TMPRSS11F: variants seen among roughly 807,000 people sequenced by gnomAD.
TMPRSS11F encodes the protein transmembrane serine protease 11F.
Under a neutral mutation model 60.2 loss-of-function variants are expected in TMPRSS11F, and 47 were observed. The ratio of observed to expected loss-of-function variants is 0.78; its 90% confidence interval spans 0.62 to 1.00. The LOEUF is 1.00. TMPRSS11F is among the 50% of genes least tolerant of loss of function. The probability of loss-of-function intolerance (pLI) is 0.00; values close to 1 mark genes in which losing one functional copy is unlikely to be tolerated. For missense variants in TMPRSS11F, 519 were observed against 522.9 expected (o/e 0.99, Z 0.07); for synonymous variants, 166 against 167.3 (o/e 0.99, Z 0.06).
At chr4:68,058,518 CCAGT>C (rs1370928971) in intron 9 of TMPRSS11F, among the ~76,000 whole-genome samples, 1 of 152,184 alleles carries the variant, frequency 6.6e-6, no homozygotes, top group Non-Finnish European at 1.5e-5. Context: ...CATATTTTCA[CCAGT>C]CTATTTCAGG....
chr4:68,084,632 A>C (rs1172790604), intron 3 of TMPRSS11F, among the ~76,000 whole-genome samples: 1 of 152,226 alleles, frequency 6.6e-6, no homozygotes, highest in African/African-American at 2.4e-5. Context: ...CGTTACCACT[A>C]TCGGCCTTAC....
chr4:68,067,332 C>T (rs1445779616), intron 7 of TMPRSS11F, among the ~76,000 whole-genome samples: 1 of 152,190 alleles, frequency 6.6e-6, no homozygotes, highest in Non-Finnish European at 1.5e-5. Flanking sequence ...TTATCAAAGT[C>T]ACTAGTAATC....
chr4:68,104,604 G>C (rs777349298), intron 1 of TMPRSS11F, among the ~76,000 whole-genome samples: 1 of 152,170 alleles, frequency 6.6e-6, no homozygotes, highest in Non-Finnish European at 1.5e-5. Context: ...CTGCAGAACT[G>C]TGAGTCAATT....
intron 1 of TMPRSS11F, among the ~76,000 whole-genome samples, chr4:68,121,963 C>A (rs1242757211): frequency 6.6e-6 from 1 of 152,092 alleles, no homozygotes; most frequent in Non-Finnish European, 1.5e-5. Context: ...CTTATCATTG[C>A]CCAATCAACT....
intron 9 of TMPRSS11F, among the ~76,000 whole-genome samples, chr4:68,058,674 G>A (rs1185105900): frequency 6.6e-6 from 1 of 152,182 alleles, no homozygotes; most frequent in Non-Finnish European, 1.5e-5. Flanking sequence ...ATAGAACAAA[G>A]AAAGGACACA....
chr4:68,064,308 C>T (rs1723274305), intron 8 of TMPRSS11F, among the ~76,000 whole-genome samples: 1 of 151,950 alleles, frequency 6.6e-6, no homozygotes, highest in Non-Finnish European at 1.5e-5. Flanking sequence ...CCTCAACCTC[C>T]CAAGTAACTG....
At chr4:68,068,870 T>C (rs751495225) in intron 6 of TMPRSS11F, 51 bp from the exon 7 acceptor site, 10 of 1,580,288 alleles carry the variant, frequency 6.3e-6, no homozygotes, top group Non-Finnish European at 7.8e-6. Flanking sequence ...AGGAAAAAAG[T>C]ATATTCTGAT....
intron 1 of TMPRSS11F, among the ~76,000 whole-genome samples, chr4:68,107,742 T>A (rs1348720707): frequency 6.6e-6 from 1 of 152,044 alleles, no homozygotes; most frequent in African/African-American, 2.4e-5. Flanking sequence ...ATCAAGACCA[T>A]CCTGGCCAAC....
chr4:68,109,479 T>C (rs1000212526), intron 1 of TMPRSS11F, among the ~76,000 whole-genome samples: 5 of 152,190 alleles, frequency 3.3e-5, no homozygotes, highest in African/African-American at 9.6e-5. Flanking sequence ...ACGATGAAAG[T>C]ACAGATCCCT....
intron 1 of TMPRSS11F, among the ~76,000 whole-genome samples, chr4:68,122,140 A>G (rs1724636426): frequency 6.6e-6 from 1 of 152,208 alleles, no homozygotes; most frequent in Admixed American, 6.5e-5. Context: ...ACCATATAGT[A>G]TAGGATAACA....
chr4:68,070,495 T>G (rs1031343747), intron 5 of TMPRSS11F, among the ~76,000 whole-genome samples: 1 of 152,180 alleles, frequency 6.6e-6, no homozygotes, highest in Non-Finnish European at 1.5e-5. Flanking sequence ...TCTAACAGAC[T>G]AGGAATTTAG....
At chr4:68,092,414 T>C (rs922114741) in intron 2 of TMPRSS11F, among the ~76,000 whole-genome samples, 2 of 152,198 alleles carry the variant, frequency 1.3e-5, no homozygotes, top group Admixed American at 6.5e-5. Context: ...ACAAAATTGA[T>C]TCTAAGCATT....
chr4:68,105,870 A>G (rs928996850), intron 1 of TMPRSS11F, among the ~76,000 whole-genome samples: 1 of 152,174 alleles, frequency 6.6e-6, no homozygotes, highest in Non-Finnish European at 1.5e-5. Flanking sequence ...TACTACCCAA[A>G]TTCTCCATTT....
At chr4:68,123,646 AC>A (rs1054338369) in intron 1 of TMPRSS11F, among the ~76,000 whole-genome samples, 1 of 152,206 alleles carries the variant, frequency 6.6e-6, no homozygotes, top group Non-Finnish European at 1.5e-5. Context: ...ACTAACCACC[AC>A]AAAGCAAGAC....
At chr4:68,080,629 C>A (rs1214927287) in intron 3 of TMPRSS11F, 1 of 152,244 alleles carries the variant, frequency 6.6e-6, no homozygotes, top group East Asian at 1.9e-4. Flanking sequence ...AATCTAAGCT[C>A]CAGATCTCCC....
chr4:68,071,873 G>A, intron 5 of TMPRSS11F, among the ~76,000 whole-genome samples: 1 of 151,996 alleles, frequency 6.6e-6, no homozygotes, highest in South Asian at 2.1e-4. Flanking sequence ...TCATGAAGAT[G>A]TCTTTCTTTG....
rs201727249 is a variant in TMPRSS11F, at chr4:68,105,096, G to GTATCAA, written c.12-6064_12-6059dup. Among the ~76,000 whole-genome samples, 55 of 109,734 alleles carry GTATCAA rather than the reference G, an allele frequency of 5.0e-4. 1 individual carries two copies. In the East Asian group the frequency reaches 0.014, roughly 27 times the overall value. The allele number at this position is 109,734 out of a possible 152,430, so 72.0% of individuals were successfully genotyped here. On this transcript the variant is annotated intron_variant, in intron 1 of 9. Transcript: ENST00000356291. ...TTTTGCAAGAGTTTGGGAAGTATTG[G>GTATCAA]TATCAATTCTTCTTTAAATATTTGG...
At chr4:68,091,810 G>A (rs1253198191) in intron 2 of TMPRSS11F, among the ~76,000 whole-genome samples, 1 of 137,506 alleles carries the variant, frequency 7.3e-6, no homozygotes, top group Admixed American at 7.2e-5. Context: ...TTTTTGAGAT[G>A]GAGTCTCACT....
At position 68,113,912 on chromosome 4, in the gene TMPRSS11F, T is replaced by A. The variant is rs550862023; in HGVS notation, c.12-14874A>T. ...ACACACCTCAACAAATTTAAAAAAA[T>A]AAATCTTATAAAGTATGTTCTTCGA... On this transcript the variant is annotated intron_variant, in intron 1 of 9. Transcript: ENST00000356291. 3.3e-5 allele frequency among the ~76,000 whole-genome samples: 5 copies of A among 152,156 alleles called. No homozygotes were observed. In the South Asian group the frequency reaches 6.2e-4, roughly 19 times the overall value.
Sources: allele counts gnomAD v4.1 joint callset (sites outside exome capture counted in the v4.1 genomes callset), GRCh38; gene constraint gnomAD v4.1.1; transcripts MANE v1.5; gene names NCBI Gene and HGNC (gene_info 2026-07-23, HGNC 2026-07-21).